The following SAMD12 variants were observed in gnomAD, a reference collection of about 807,000 sequenced individuals.
The protein encoded by SAMD12 is sterile alpha motif domain-containing protein 12.
SAMD12 carries 9 observed loss-of-function variants against 15.0 expected under a neutral mutation model. The observed-to-expected ratio is 0.60, with a 90% confidence interval of 0.36 to 1.05. The LOEUF is 1.05. SAMD12 is among the 50% of genes least tolerant of loss of function. The pLI is 0.01. For missense variants in SAMD12, 230 were observed against 234.2 expected, an observed-to-expected ratio of 0.98 and a Z score of 0.12; for synonymous variants, 86 against 90.1, an observed-to-expected ratio of 0.96 and a Z score of 0.25.
intron 4 of SAMD12, among the ~76,000 whole-genome samples, chr8:118,214,904 AGGTGAAGGCAG>A (rs1170758173): frequency 6.6e-6 from 1 of 152,180 alleles, no homozygotes; most frequent in African/African-American, 2.4e-5. Context: ...CAATGGCTGG[AGGTGAAGGCAG>A]AGGTTAGATA....
chr8:118,341,280 G>A (rs1817354712), intron 4 of SAMD12, among the ~76,000 whole-genome samples: 1 of 152,196 alleles, frequency 6.6e-6, no homozygotes, highest in African/African-American at 2.4e-5. Flanking sequence ...ATGAGCCAGT[G>A]TATGCCTAGC....
intron 1 of SAMD12, among the ~76,000 whole-genome samples, chr8:118,596,130 G>A (rs1827718694): frequency 6.6e-6 from 1 of 152,192 alleles, no homozygotes; most frequent in Admixed American, 6.5e-5. Flanking sequence ...CCCAGAATAA[G>A]ACACACACTT....
In SAMD12 at chr8:118,557,538, G is replaced by A. The variant is rs376882756; in HGVS notation, c.192+23177C>T. 1.6e-4 allele frequency among the ~76,000 whole-genome samples: 25 copies of A among 152,204 alleles called. No homozygotes were observed. In the East Asian group the frequency reaches 2.3e-3, roughly 14 times the overall value. ...AGTCTTTAAAGATGACCTCAACTAC[G>A]GTAGGTAGGAAAGGGCAGAAGGTAT... On this transcript the variant is annotated intron_variant, in intron 2 of 3. Transcript: ENST00000314727.
chr8:118,471,884 G>A (rs761590663), intron 2 of SAMD12, among the ~76,000 whole-genome samples: 2 of 152,034 alleles, frequency 1.3e-5, no homozygotes, highest in African/African-American at 2.4e-5. Flanking sequence ...CTGCCTAAAG[G>A]CAGTGGGATA....
chr8:118,297,098 CCTGT>C (rs1448711734), intron 4 of SAMD12, among the ~76,000 whole-genome samples: 1 of 152,046 alleles, frequency 6.6e-6, no homozygotes, highest in Non-Finnish European at 1.5e-5. Context: ...AACTATGAGG[CCTGT>C]CTATGAAATG....
chr8:118,409,427 C>T (rs1462666867), intron 3 of SAMD12, among the ~76,000 whole-genome samples: 3 of 140,634 alleles, frequency 2.1e-5, no homozygotes, highest in Admixed American at 8.3e-5. Flanking sequence ...TATTGAATGT[C>T]CCCTATGTCA....
the SAMD12 span, among the ~76,000 whole-genome samples, chr8:118,153,680 A>G: frequency 6.6e-6 from 1 of 152,088 alleles, no homozygotes; most frequent in Non-Finnish European, 1.5e-5. Context: ...GCCCTTTGAT[A>G]CTGCTTTAGA....
chr8:118,555,201 A>G lies in SAMD12; in HGVS notation c.192+25514T>C, dbSNP rs536079234. 2.0e-5 allele frequency among the ~76,000 whole-genome samples: 3 copies of G among 152,360 alleles called. No homozygotes were observed. In the South Asian group the frequency reaches 6.2e-4, roughly 32 times the overall value. On this transcript the variant is annotated intron_variant, in intron 2 of 3. Transcript: ENST00000314727. ...ACCTCCTCACATCCATTAATTATAA[A>G]TTAGTTTTTACAAAAATCTTTTCAG...
chr8:118,356,126 T>G (rs974481476), intron 4 of SAMD12, among the ~76,000 whole-genome samples: 1 of 152,222 alleles, frequency 6.6e-6, no homozygotes, highest in African/African-American at 2.4e-5. Flanking sequence ...AAAATATCCC[T>G]TTTAATCCTG....
At chr8:118,615,864 C>G (rs924363861) in intron 1 of SAMD12, among the ~76,000 whole-genome samples, 4 of 152,320 alleles carry the variant, frequency 2.6e-5, no homozygotes, top group Non-Finnish European at 2.9e-5. Flanking sequence ...GACTGAAACC[C>G]TGTCCGAACT....
chr8:118,411,754 A>T (rs1821418278), intron 3 of SAMD12, among the ~76,000 whole-genome samples: 1 of 152,208 alleles, frequency 6.6e-6, no homozygotes, highest in South Asian at 2.1e-4. Flanking sequence ...TAGATACAGT[A>T]TAAAAGAGGG....
intron 2 of SAMD12, among the ~76,000 whole-genome samples, chr8:118,441,386 G>A (rs1822758616): frequency 6.6e-6 from 1 of 151,422 alleles, no homozygotes; most frequent in Non-Finnish European, 1.5e-5. Context: ...CAGATGGTGA[G>A]AGAGTCATAG....
chr8:118,174,919 C>A, the SAMD12 span, among the ~76,000 whole-genome samples: 1 of 150,742 alleles, frequency 6.6e-6, no homozygotes, highest in South Asian at 2.1e-4. Flanking sequence ...TTATAAATAT[C>A]ATGGAATTTT....
At chr8:118,348,976 C>T (rs529781687) in intron 4 of SAMD12, among the ~76,000 whole-genome samples, 3 of 152,254 alleles carry the variant, frequency 2.0e-5, no homozygotes, top group South Asian at 2.1e-4. Context: ...AGTCTAGGAC[C>T]GAGGCCAAGA....
chr8:118,307,236 G>A (rs1815397116), intron 4 of SAMD12, among the ~76,000 whole-genome samples: 1 of 152,202 alleles, frequency 6.6e-6, no homozygotes, highest in African/African-American at 2.4e-5. Flanking sequence ...TTATTCAAGT[G>A]GGTGTCAATT....
chr8:118,182,868 T>G, the SAMD12 span, among the ~76,000 whole-genome samples: 4 of 152,238 alleles, frequency 2.6e-5, no homozygotes, highest in Non-Finnish European at 5.9e-5. Flanking sequence ...TTGCTTCCTT[T>G]TCACCAAAGG....
exon 5 of SAMD12, chr8:118,196,425 T>C (rs1447200945): frequency 2.0e-5 from 3 of 152,138 alleles, no homozygotes; most frequent in Non-Finnish European, 4.4e-5. Flanking sequence ...AATATGAACA[T>C]GTCTCTAATG....
At chr8:118,197,858 G>T in intron 4 of SAMD12, 2 of 833,414 alleles carry the variant, frequency 2.4e-6, no homozygotes, top group South Asian at 2.9e-5. Context: ...GCTCTAGTCA[G>T]AATAATGGTT....
At chr8:118,514,063 G>C (rs1825160675) in intron 2 of SAMD12, among the ~76,000 whole-genome samples, 1 of 151,922 alleles carries the variant, frequency 6.6e-6, no homozygotes, top group Non-Finnish European at 1.5e-5. Flanking sequence ...TTAAAGCATT[G>C]GGGAGGTCAG....
Sources: allele counts gnomAD v4.1 joint callset (sites outside exome capture counted in the v4.1 genomes callset), GRCh38; gene constraint gnomAD v4.1.1; transcripts MANE v1.5; gene names NCBI Gene and HGNC (gene_info 2026-07-23, HGNC 2026-07-21).